The following TRAF3 variants were observed in gnomAD, a reference collection of about 807,000 sequenced individuals.
TRAF3 encodes TNF receptor associated factor 3, also known as TNF receptor-associated factor 3.
TRAF3 carries 13 observed loss-of-function variants against 62.3 expected under a neutral mutation model. That is an observed-to-expected ratio of 0.21 (90% CI 0.14 to 0.33). The LOEUF is 0.33. Ranked by LOEUF, TRAF3 falls within the 10% of genes least tolerant of loss-of-function variation. The pLI, the probability that TRAF3 is intolerant of heterozygous loss-of-function variation, is 1.00. For missense variants in TRAF3, 440 were observed against 741.8 expected (o/e 0.59, Z 4.73); for synonymous variants, 269 against 283.4 (o/e 0.95, Z 0.51).
intron 2 of TRAF3, among the ~76,000 whole-genome samples, chr14:102,869,583 G>C (rs2139823205): frequency 6.6e-6 from 1 of 152,160 alleles, no homozygotes; most frequent in East Asian, 1.9e-4. Flanking sequence ...GAGGCAGGCA[G>C]ATCACGAGGT....
intron 9 of TRAF3, among the ~76,000 whole-genome samples, chr14:102,894,336 G>C (rs1160127446): frequency 1.3e-5 from 2 of 152,068 alleles, no homozygotes; most frequent in African/African-American, 4.8e-5. Context: ...CAAAAAAAAA[G>C]ACTGATCCTC....
chr14:102,821,470 G>A (rs1043451694), intron 1 of TRAF3, among the ~76,000 whole-genome samples: 8 of 152,278 alleles, frequency 5.3e-5, no homozygotes, highest in Non-Finnish European at 1.0e-4. Context: ...GGACAGAGTG[G>A]CTTCACCCAC....
chr14:102,864,405 C>T lies in TRAF3; in HGVS notation c.-17-5780C>T, dbSNP rs181506120. ...CCTCGTGATCTGCCCACCTCGGCCT[C>T]CCAAAGTGCTGGGATTACAGGTGTG... On this transcript the variant is annotated intron_variant, in intron 2 of 11. Coordinates refer to ENST00000392745, the MANE Select transcript of TRAF3 (RefSeq NM_145725.3). Among the ~76,000 whole-genome samples the T allele has an allele frequency of 3.9e-3, 594 of 152,246 alleles. 7 individuals carry two copies. Among genetic ancestry groups the T allele is most frequent in the African/African-American group, 0.013 (553 of 41,542 alleles).
chr14:102,821,697 C>T (rs1899995296), intron 1 of TRAF3, among the ~76,000 whole-genome samples: 2 of 152,182 alleles, frequency 1.3e-5, no homozygotes, highest in African/African-American at 4.8e-5. Flanking sequence ...AAAATGTTTG[C>T]ATCTGTATTG....
At chr14:102,797,186 A>G (rs927950352) in intron 1 of TRAF3, among the ~76,000 whole-genome samples, 22 of 152,216 alleles carry the variant, frequency 1.4e-4, no homozygotes, top group African/African-American at 5.3e-4. Context: ...GTTAAGATGA[A>G]TCAATATAGT....
chr14:102,783,799 G>T (rs1286371284), intron 1 of TRAF3, among the ~76,000 whole-genome samples: 1 of 152,142 alleles, frequency 6.6e-6, no homozygotes, highest in Non-Finnish European at 1.5e-5. Context: ...ATTCCAGTCT[G>T]CCCTCTGTAT....
At chr14:102,884,862 TA>T (rs1402876631) in intron 6 of TRAF3, among the ~76,000 whole-genome samples, 1 of 151,888 alleles carries the variant, frequency 6.6e-6, no homozygotes, top group African/African-American at 2.4e-5. Flanking sequence ...CACACATTAC[TA>T]AAGAATTGCA....
In TRAF3 at chr14:102,905,748, A is replaced by G; in HGVS notation, c.1671A>G (p.Lys557=). The G allele has an allele frequency of 6.2e-7, 1 of 1,613,206 alleles. No homozygotes were observed. Among genetic ancestry groups the G allele is most frequent in the Middle Eastern group, 1.7e-4 (1 of 6,060 alleles). ...TYIKDDTIFI[K]VIVDTSDLPD... ...TTAAAGATGATACAATTTTTATTAA[A>G]GTCATAGTGGATACTTCGGATCTGC... Residue 557 remains lysine, a synonymous_variant, in exon 12 of 12, where the codon AAA becomes AAG. Coordinates refer to ENST00000392745, the MANE Select transcript of TRAF3 (RefSeq NM_145725.3).
At chr14:102,863,946 C>G (rs968036503) in intron 2 of TRAF3, among the ~76,000 whole-genome samples, 1 of 152,136 alleles carries the variant, frequency 6.6e-6, no homozygotes, top group African/African-American at 2.4e-5. Context: ...CCAGTGCATG[C>G]ACCGGAGTGG....
chr14:102,876,605 A>G (rs1247542376), intron 6 of TRAF3, 80 bp downstream of exon 6: 1 of 1,551,798 alleles, frequency 6.4e-7, no homozygotes, highest in African/African-American at 1.4e-5. Flanking sequence ...CAATTCGTAG[A>G]TAATCCGTTC....
chr14:102,875,888 A>G (rs1252465518), intron 5 of TRAF3, among the ~76,000 whole-genome samples, 160 bp downstream of exon 5: 3 of 152,188 alleles, frequency 2.0e-5, no homozygotes, highest in Non-Finnish European at 2.9e-5. Context: ...CCACTTGAGT[A>G]TAAGTTGTTA....
chr14:102,795,576 T>C (rs1898027928), intron 1 of TRAF3, among the ~76,000 whole-genome samples: 1 of 68,934 alleles, frequency 1.5e-5, no homozygotes, highest in South Asian at 1.0e-3. Context: ...ATATACATGA[T>C]ATGTATGCAT....
At chr14:102,841,940 T>C (rs1295463196) in intron 2 of TRAF3, among the ~76,000 whole-genome samples, 4 of 151,790 alleles carry the variant, frequency 2.6e-5, no homozygotes, top group Non-Finnish European at 4.4e-5. Context: ...GAGATGAAAA[T>C]AGAATATATA....
chr14:102,821,239 A>G (rs1899971840), intron 1 of TRAF3, among the ~76,000 whole-genome samples: 2 of 152,210 alleles, frequency 1.3e-5, no homozygotes, highest in African/African-American at 4.8e-5. Context: ...TACTTGACTT[A>G]ATGATTCAAG....
intron 1 of TRAF3, among the ~76,000 whole-genome samples, chr14:102,823,333 T>C (rs1481777462): frequency 6.6e-6 from 1 of 152,228 alleles, no homozygotes; most frequent in Non-Finnish European, 1.5e-5. Context: ...ATTTATTTCA[T>C]AGTAGACAGA....
chr14:102,784,369 C>T (rs1897394301), intron 1 of TRAF3, among the ~76,000 whole-genome samples: 2 of 151,960 alleles, frequency 1.3e-5, no homozygotes, highest in African/African-American at 4.8e-5. Flanking sequence ...ATTACAGGCA[C>T]CCGCCACCTC....
intron 1 of TRAF3, among the ~76,000 whole-genome samples, chr14:102,803,928 T>G (rs1023632409): frequency 2.6e-5 from 4 of 152,210 alleles, no homozygotes; most frequent in Non-Finnish European, 5.9e-5. Context: ...CTGGATATAG[T>G]GGCTGGCGCC....
chr14:102,897,280 A>C lies in TRAF3; in HGVS notation c.839A>C (p.Glu280Ala). 2 of 1,613,434 alleles carry C rather than the reference A, an allele frequency of 1.2e-6. No individual in the cohort carries two copies. The highest frequency in any genetic ancestry group is 1.7e-6 in the Non-Finnish European group (2 of 1,179,698). ...LEKKVSLLQNESVEKNKSIQS... is the reference protein window; with the variant it reads ...LEKKVSLLQNASVEKNKSIQS... ...TTTTAGGTTTCCTTGTTGCAGAATG[A>C]AAGTGTAGAAAAAAACAAGAGCATA... Residue 280 changes from glutamate to alanine, a missense_variant, in exon 10 of 12, where the codon GAA becomes GCA. Glu to Ala is a moderately radical substitution (Grantham distance 107). Around this residue, in one of 6 missense-constraint regions of TRAF3, gnomAD observed 255 missense variants for 424.1 expected, o/e 0.60. Transcript: ENST00000392745.
chr14:102,777,492 G>A lies in TRAF3; in HGVS notation c.-340G>A, dbSNP rs1407923030. 2 of 144,140 alleles carry A rather than the reference G, an allele frequency of 1.4e-5. No individual in the cohort carries two copies. The highest frequency in any genetic ancestry group is 2.5e-5 in the African/African-American group (1 of 40,122). 8.9% of individuals were successfully genotyped at this position (144,140 alleles called of 1,614,324 possible). ...GCGAGGGAGCGAGGGAGCGCGGCGC[G>A]GCCGCCGCGTGCGCGAGCCGGGGTT... On this transcript the variant is annotated 5_prime_UTR_variant, in exon 1 of 12. Coordinates refer to ENST00000392745, the MANE Select transcript of TRAF3 (RefSeq NM_145725.3).
Sources: gnomAD v4.1 joint callset for allele counts (sites outside exome capture counted in the v4.1 genomes callset) on GRCh38, gnomAD v4.1.1 for gene constraint, gnomAD v4.1.1 regional missense constraint, MANE v1.5 for transcripts, NCBI Gene and HGNC (gene_info 2026-07-23, HGNC 2026-07-21) for gene names.